The following LRRC72 variants were observed in gnomAD, a reference collection of about 807,000 sequenced individuals.
The protein encoded by LRRC72 is leucine rich repeat containing 72, also known as leucine-rich repeat-containing protein 72.
LRRC72 carries 41 observed loss-of-function variants against 35.8 expected under a neutral mutation model. The observed-to-expected ratio is 1.15, with a 90% CI of 0.89 to 1.49. LRRC72 has a LOEUF of 1.49. Ranked by LOEUF, LRRC72 falls within the 40% of genes most tolerant of loss-of-function variation. The probability of loss-of-function intolerance (pLI) is 0.00; values close to 1 mark genes in which losing one functional copy is unlikely to be tolerated. For missense variants in LRRC72, 389 were observed against 330.7 expected (o/e 1.18, Z -1.37); for synonymous variants, 118 against 119.2 (o/e 0.99, Z 0.07).
At chr7:16,559,101 T>A in intron 5 of LRRC72, 102 bp downstream of exon 5, 1 of 676,012 alleles carries the variant, frequency 1.5e-6, no homozygotes, top group Non-Finnish European at 2.4e-6. Context: ...TGTTTATAAT[T>A]AAGATATTTA....
At chr7:16,575,070 G>A (rs766061125) in intron 7 of LRRC72, among the ~76,000 whole-genome samples, 2 of 144,988 alleles carry the variant, frequency 1.4e-5, no homozygotes, top group Non-Finnish European at 3.0e-5. Flanking sequence ...AGGTGAGATC[G>A]CATCACTGCA....
At chr7:16,564,319 T>C (rs1251506251) in intron 5 of LRRC72, among the ~76,000 whole-genome samples, 1 of 152,216 alleles carries the variant, frequency 6.6e-6, no homozygotes. Flanking sequence ...TGCTTTTATA[T>C]CCTTGAAGAG....
At chr7:16,565,770 C>G (rs1306691114) in intron 5 of LRRC72, among the ~76,000 whole-genome samples, 1 of 152,210 alleles carries the variant, frequency 6.6e-6, no homozygotes, top group African/African-American at 2.4e-5. Flanking sequence ...AGAGCCACTT[C>G]TGCTCAGCTC....
At chr7:16,543,219 A>G (rs534614273) in intron 3 of LRRC72, among the ~76,000 whole-genome samples, 34 of 152,362 alleles carry the variant, frequency 2.2e-4, no homozygotes, top group African/African-American at 8.2e-4. Context: ...AGAGGAAACT[A>G]TGCCACTGTA....
At chr7:16,581,189 ATTAT>A in intron 8 of LRRC72, 131 bp from the exon 9 acceptor site, 1 of 633,322 alleles carries the variant, frequency 1.6e-6, no homozygotes, top group African/African-American at 1.9e-5. Context: ...GAGCCCGCAA[ATTAT>A]TTGTTAGTGG....
intron 6 of LRRC72, 93 bp from the exon 7 acceptor site, chr7:16,567,298 G>C (rs1293518859): frequency 9.8e-6 from 9 of 919,126 alleles, no homozygotes; most frequent in South Asian, 2.9e-5. Context: ...TCATAGTTTA[G>C]ATAAATACAT....
At chr7:16,566,506 A>G (rs1782847892) in intron 6 of LRRC72, 104 bp downstream of exon 6, 1 of 569,316 alleles carries the variant, frequency 1.8e-6, no homozygotes, top group South Asian at 4.0e-5. Flanking sequence ...TGTAAAAAAT[A>G]TATCTTTGAA....
At chr7:16,538,268 A>C (rs1455936824) in intron 3 of LRRC72, among the ~76,000 whole-genome samples, 1 of 152,152 alleles carries the variant, frequency 6.6e-6, no homozygotes, top group Non-Finnish European at 1.5e-5. Flanking sequence ...CAGGTTTGGT[A>C]TGGAATGGGG....
At chr7:16,580,806 C>T (rs1201687499) in intron 8 of LRRC72, among the ~76,000 whole-genome samples, 2 of 152,030 alleles carry the variant, frequency 1.3e-5, no homozygotes, top group Non-Finnish European at 2.9e-5. Context: ...AAGCAAGCAC[C>T]TCACTAATAC....
intron 7 of LRRC72, among the ~76,000 whole-genome samples, chr7:16,577,905 A>G (rs1371284086): frequency 2.0e-5 from 3 of 152,186 alleles, no homozygotes; most frequent in Non-Finnish European, 4.4e-5. Context: ...AACGAGCACA[A>G]TTCATGTTAT....
chr7:16,549,419 T>C (rs1210820613), intron 3 of LRRC72, among the ~76,000 whole-genome samples: 2 of 152,148 alleles, frequency 1.3e-5, no homozygotes, highest in African/African-American at 2.4e-5. Context: ...GTCAAAACCA[T>C]GTCACAGAAC....
At position 16,532,552 on chromosome 7, in the gene LRRC72, C is replaced by T. The variant is rs1024487729; in HGVS notation, c.148C>T (p.Leu50=). 4 of 1,548,850 alleles carry T rather than the reference C, an allele frequency of 2.6e-6. No homozygotes were observed. The highest frequency in any genetic ancestry group is 3.5e-6 in the Non-Finnish European group (4 of 1,145,412). Residue 50 remains leucine, a synonymous_variant, in exon 2 of 9, where the codon CTG becomes TTG. Coordinates refer to ENST00000401542, the MANE Select transcript of LRRC72 (RefSeq NM_001195280.2). ...GHRRDADVFE[L]FLSKKELTEV... is the part of the protein sequence containing the mutation. ...CAGGAGGGATGCTGATGTCTTTGAG[C>T]TGTTCCTTTCTAAAAAGTAAGTGTA...
Position 16,559,033 on chromosome 7 carries a change from A to G in LRRC72, c.427+34A>G, listed in dbSNP as rs768661968. The G allele has an allele frequency of 2.7e-4, 322 of 1,176,456 alleles. 6 individuals carry two copies. Among genetic ancestry groups the G allele is most frequent in the South Asian group, 1.5e-3 (105 of 71,550 alleles). 72.9% of individuals were successfully genotyped at this position (1,176,456 alleles called of 1,614,324 possible). A position where few individuals can be genotyped will look rare whatever the true frequency, so the allele number is the denominator to read the frequency against. On this transcript the variant is annotated intron_variant, in intron 5 of 8. Transcript: ENST00000401542. Reference sequence around the variant, plus strand: ...TTGCAATTTTATATGGCCATAAGTTAAAATAGTATTAACATAAGACATTTT... The same window carrying G: ...TTGCAATTTTATATGGCCATAAGTTGAAATAGTATTAACATAAGACATTTT...
intron 8 of LRRC72, 22 bp from the exon 9 acceptor site, chr7:16,581,302 C>CGTG: frequency 7.1e-7 from 1 of 1,412,410 alleles, no homozygotes; most frequent in Non-Finnish European, 9.3e-7. Context: ...TTTTTTCTGA[C>CGTG]ATAATTGCTT....
chr7:16,566,344 C>T lies in LRRC72; in HGVS notation c.459C>T (p.Asn153=). ...SLYQNPLCQY[N]LYRLYIIYHL... ...ACCAAAATCCTTTGTGCCAATATAA[C>T]CTGTATCGTTTATATATCATCTACC... Residue 153 remains asparagine (N), a synonymous_variant, in exon 6 of 9, where the codon AAC becomes AAT. Transcript: ENST00000401542. The T allele has an allele frequency of 6.5e-7, 1 of 1,546,060 alleles. No individual in the cohort carries two copies. Among genetic ancestry groups the T allele is most frequent in the Non-Finnish European group, 8.7e-7 (1 of 1,145,260 alleles).
chr7:16,577,554 G>A (rs1403525659), intron 7 of LRRC72, among the ~76,000 whole-genome samples: 1 of 152,060 alleles, frequency 6.6e-6, no homozygotes, highest in Non-Finnish European at 1.5e-5. Flanking sequence ...ACAATTATAT[G>A]TATCCCATAA....
At chr7:16,580,950 A>G (rs1783131938) in intron 8 of LRRC72, among the ~76,000 whole-genome samples, 1 of 152,140 alleles carries the variant, frequency 6.6e-6, no homozygotes, top group African/African-American at 2.4e-5. Context: ...AAAATATGGC[A>G]TAATGTAGAA....
At chr7:16,570,573 C>A (rs1782925608) in intron 7 of LRRC72, among the ~76,000 whole-genome samples, 1 of 152,142 alleles carries the variant, frequency 6.6e-6, no homozygotes, top group Non-Finnish European at 1.5e-5. Context: ...AATCCCAGCA[C>A]TTTGGGAGGG....
chr7:16,558,801 G>A, intron 4 of LRRC72, 88 bp from the exon 5 acceptor site: 2 of 668,082 alleles, frequency 3.0e-6, no homozygotes, highest in Non-Finnish European at 4.6e-6. Context: ...ATGTTAATTA[G>A]CATTAAAAAT....
Sources: allele counts gnomAD v4.1 joint callset (sites outside exome capture counted in the v4.1 genomes callset), GRCh38; gene constraint gnomAD v4.1.1; transcripts MANE v1.5; gene names NCBI Gene and HGNC (gene_info 2026-07-23, HGNC 2026-07-21).